Variants in CPEB1 observed in about 807,000 individuals in gnomAD.
CPEB1 encodes the protein cytoplasmic polyadenylation element binding protein 1, also known as cytoplasmic polyadenylation element-binding protein 1.
CPEB1 carries 7 observed loss-of-function variants against 65.8 expected under a neutral mutation model. The ratio of observed to expected loss-of-function variants is 0.11; its 90% CI spans 0.06 to 0.20. CPEB1 has a LOEUF of 0.20. Ranked by LOEUF, CPEB1 falls within the 10% of genes least tolerant of loss-of-function variation. The probability of loss-of-function intolerance (pLI) is 1.00; values close to 1 mark genes in which losing one functional copy is unlikely to be tolerated. For synonymous variants in CPEB1, 262 were observed against 260.0 expected (o/e 1.01, Z -0.08); for missense variants, 551 against 712.2 (o/e 0.77, Z 2.58).
chr15:82,592,867 C>A (rs1326534484), intron 3 of CPEB1, among the ~76,000 whole-genome samples: 1 of 152,026 alleles, frequency 6.6e-6, no homozygotes, highest in African/African-American at 2.4e-5. Context: ...CATGGTGGCA[C>A]ATGCCTGTGG....
At chr15:82,604,597 A>G (rs1320303380) in intron 3 of CPEB1, among the ~76,000 whole-genome samples, 1 of 152,186 alleles carries the variant, frequency 6.6e-6, no homozygotes, top group Non-Finnish European at 1.5e-5. Flanking sequence ...TACATATAAA[A>G]AAGAACCAAT....
intron 1 of CPEB1, chr15:82,629,638 G>T (rs1408334541): frequency 3.1e-6 from 3 of 981,010 alleles, no homozygotes; most frequent in Non-Finnish European, 3.6e-6. Flanking sequence ...TTGGTTGACA[G>T]ATTGAGTTTT....
chr15:82,584,661 CAG>C (rs1467745213), intron 3 of CPEB1, among the ~76,000 whole-genome samples: 1 of 133,344 alleles, frequency 7.5e-6, no homozygotes, highest in Non-Finnish European at 1.5e-5. Context: ...CTGGGCAAGA[CAG>C]AGCGAGACTC....
chr15:82,568,890 C>T (rs983820704), intron 4 of CPEB1, among the ~76,000 whole-genome samples: 4 of 152,234 alleles, frequency 2.6e-5, no homozygotes, highest in African/African-American at 9.6e-5. Flanking sequence ...CTACTATCTC[C>T]AACCTTGCTC....
chr15:82,609,808 C>T (rs1401863056), intron 3 of CPEB1, among the ~76,000 whole-genome samples: 2 of 152,002 alleles, frequency 1.3e-5, no homozygotes, highest in Admixed American at 1.3e-4. Context: ...TGCCTGTAAT[C>T]CCAGCACTTT....
At chr15:82,626,826 T>TTAAATAAACCCATA (rs1425346811) in intron 3 of CPEB1, among the ~76,000 whole-genome samples, 6 of 152,184 alleles carry the variant, frequency 3.9e-5, no homozygotes, top group African/African-American at 1.4e-4. Context: ...TGTTGTCATA[T>TTAAATAAACCCATA]TATAATATAT....
intron 1 of CPEB1, among the ~76,000 whole-genome samples, chr15:82,644,559 T>G (rs768193422): frequency 6.6e-6 from 1 of 152,204 alleles, no homozygotes; most frequent in Non-Finnish European, 1.5e-5. Flanking sequence ...TTTTTAATGC[T>G]ACATTTAAAA....
chr15:82,633,813 A>G (rs2046445069), intron 1 of CPEB1, among the ~76,000 whole-genome samples: 1 of 152,244 alleles, frequency 6.6e-6, no homozygotes, highest in Admixed American at 6.5e-5. Context: ...TCTGAAGAAA[A>G]GCATTTCCCT....
intron 3 of CPEB1, among the ~76,000 whole-genome samples, chr15:82,609,034 G>A (rs1235613924): frequency 6.6e-6 from 1 of 152,144 alleles, no homozygotes; most frequent in East Asian, 1.9e-4. Context: ...GTCAGTAACA[G>A]AAGGAAAACT....
chr15:82,546,068 C>G (rs978468757), intron 12 of CPEB1, among the ~76,000 whole-genome samples: 1 of 152,204 alleles, frequency 6.6e-6, no homozygotes. Context: ...TCAGACACCA[C>G]AGGGTACCTC....
At chr15:82,571,810 G>C (rs1271007598) in intron 3 of CPEB1, 1 of 1,239,636 alleles carries the variant, frequency 8.1e-7, no homozygotes, top group Non-Finnish European at 1.0e-6. Context: ...CGCTGCCAGT[G>C]ACATCAGCCG....
intron 3 of CPEB1, among the ~76,000 whole-genome samples, chr15:82,586,339 A>G (rs1490501294): frequency 7.2e-5 from 11 of 152,120 alleles, no homozygotes; most frequent in Admixed American, 5.2e-4. Flanking sequence ...CTTTACATCA[A>G]TAAGCCAGTA....
chr15:82,587,013 C>A (rs575056904), intron 3 of CPEB1, among the ~76,000 whole-genome samples: 6 of 151,984 alleles, frequency 3.9e-5, no homozygotes, highest in Non-Finnish European at 8.8e-5. Flanking sequence ...ATAGTTGCCA[C>A]CCCCTAGTTG....
rs1436610965 is a variant in CPEB1 at position 82,544,550 on chromosome 15, C to T, written c.*42G>A. 3.9e-6 allele frequency: 6 copies of T among 1,521,538 alleles called. No homozygotes were observed. Among genetic ancestry groups the T allele is most frequent in the Non-Finnish European group, 3.6e-6 (4 of 1,105,762 alleles). The allele number at this position is 1,521,538 out of a possible 1,614,324, so 94.3% of individuals were successfully genotyped here. Reference sequence around the variant, plus strand: ...TGGTGCAGGCTGCTTGCCTGACCTGCCAGCTTTGGGCGCCACAGGCCACTG... The same window carrying T: ...TGGTGCAGGCTGCTTGCCTGACCTGTCAGCTTTGGGCGCCACAGGCCACTG... On this transcript the variant is annotated 3_prime_UTR_variant, in exon 13 of 13. Coordinates refer to ENST00000684509, the MANE Select transcript of CPEB1 (RefSeq NM_001365242.1).
chr15:82,610,754 T>TG (rs1555459219), intron 3 of CPEB1, among the ~76,000 whole-genome samples: 9 of 151,538 alleles, frequency 5.9e-5, no homozygotes, highest in Non-Finnish European at 2.9e-5. Context: ...GGTCAGGAGT[T>TG]GGAGTCCAGG....
At chr15:82,548,540 T>TC (rs1251554915) in intron 10 of CPEB1, 1 of 287,934 alleles carries the variant, frequency 3.5e-6, no homozygotes, top group Admixed American at 4.9e-5. Flanking sequence ...GATAAGGGAC[T>TC]CCTTCAGTGC....
intron 4 of CPEB1, among the ~76,000 whole-genome samples, chr15:82,559,598 G>A (rs2150987500): frequency 6.6e-6 from 1 of 152,276 alleles, no homozygotes; most frequent in African/African-American, 2.4e-5. Flanking sequence ...TGTGGGATGT[G>A]GGTGGGGTGG....
At chr15:82,571,684 T>C (rs533104462) in intron 3 of CPEB1, 152 bp from the exon 4 acceptor site, 38 of 1,439,258 alleles carry the variant, frequency 2.6e-5, no homozygotes, top group South Asian at 1.1e-4. Flanking sequence ...CTCTGCACTT[T>C]TGGGGACGCT....
intron 3 of CPEB1, among the ~76,000 whole-genome samples, chr15:82,603,615 A>C (rs2043304398): frequency 6.6e-6 from 1 of 152,190 alleles, no homozygotes. Context: ...GAAGAATACA[A>C]GAATACTGCA....
Sources: allele counts gnomAD v4.1 joint callset (sites outside exome capture counted in the v4.1 genomes callset), GRCh38; gene constraint gnomAD v4.1.1; transcripts MANE v1.5; gene names NCBI Gene and HGNC (gene_info 2026-07-23, HGNC 2026-07-21).